URI1: variants seen among roughly 807,000 people sequenced by gnomAD.
The protein encoded by URI1 is unconventional prefoldin RPB5 interactor 1.
A neutral mutation model predicts 60.2 loss-of-function variants in URI1; 39 were observed. The observed-to-expected ratio is 0.65, with a 90% CI of 0.50 to 0.85. The LOEUF (loss-of-function observed/expected upper bound fraction) is 0.85, where lower values mean the gene tolerates loss of function less well. Among genes scored for constraint, URI1 ranks in the 40% least tolerant of loss-of-function variants. The pLI is 0.00. For synonymous variants in URI1, 251 were observed against 236.8 expected (o/e 1.06, Z -0.55); for missense variants, 691 against 665.9 (o/e 1.04, Z -0.42).
At chr19:29,958,736 G>C (rs1005814892) in intron 1 of URI1, among the ~76,000 whole-genome samples, 1 of 151,860 alleles carries the variant, frequency 6.6e-6, no homozygotes, top group Non-Finnish European at 1.5e-5. Flanking sequence ...GAGGTGGGCG[G>C]ATCACGTGAG....
chr19:29,934,701 T>C (rs779392741), intron 1 of URI1, among the ~76,000 whole-genome samples: 27 of 152,056 alleles, frequency 1.8e-4, no homozygotes, highest in Non-Finnish European at 3.8e-4. Context: ...AAACCTGGCT[T>C]ATTTTTTTTT....
At chr19:29,991,230 G>T (rs1012632949) in intron 4 of URI1, among the ~76,000 whole-genome samples, 3 of 152,122 alleles carry the variant, frequency 2.0e-5, no homozygotes, top group Admixed American at 6.5e-5. Flanking sequence ...ATCTTCCAGT[G>T]TGTAAATACT....
At chr19:29,970,374 TA>T (rs2055444354) in intron 1 of URI1, among the ~76,000 whole-genome samples, 1 of 152,028 alleles carries the variant, frequency 6.6e-6, no homozygotes, top group Admixed American at 6.6e-5. Context: ...ATAGGTAATT[TA>T]AAAGTAGATA....
chr19:29,942,319 C>T lies in URI1; in HGVS notation c.-229C>T, dbSNP rs1468680899. The T allele has an allele frequency of 3.0e-6, 3 of 985,148 alleles. No homozygotes were observed. Among genetic ancestry groups the T allele is most frequent in the Admixed American group, 6.2e-5 (1 of 16,150 alleles). The allele number at this position is 985,148 out of a possible 1,614,324, so 61.0% of individuals were successfully genotyped here. A position where few individuals can be genotyped will look rare whatever the true frequency, so the allele number is the denominator to read the frequency against. On this transcript the variant is annotated 5_prime_UTR_variant, in exon 1 of 11. Coordinates refer to ENST00000392271, the MANE Select transcript of URI1 (RefSeq NM_003796.3). ...GTCTCGGTACCTGGCAGGCGGCCTGCTACTCGGAGCCCGCTGCGGGGCGGC... is the reference window on the plus strand; with the variant it reads ...GTCTCGGTACCTGGCAGGCGGCCTGTTACTCGGAGCCCGCTGCGGGGCGGC...
intron 1 of URI1, among the ~76,000 whole-genome samples, chr19:29,964,486 C>T (rs540684263): frequency 1.0e-3 from 127 of 122,170 alleles, no homozygotes; most frequent in Non-Finnish European, 1.7e-3. Flanking sequence ...TTTTTTGAGA[C>T]GGAGTTTTGC....
chr19:29,950,293 CTG>C (rs1340639984), intron 1 of URI1, among the ~76,000 whole-genome samples: 1 of 152,190 alleles, frequency 6.6e-6, no homozygotes, highest in African/African-American at 2.4e-5. Flanking sequence ...TGCGTGGAAT[CTG>C]TGATTTGGCC....
intron 1 of URI1, among the ~76,000 whole-genome samples, chr19:29,927,560 CTTTTTTTTTTTTTT>C (rs3049080): frequency 0.011 from 441 of 39,826 alleles, 11 homozygotes; most frequent in Non-Finnish European, 0.013. Context: ...CTGCACCCGG[CTTTTTTTTTTTTTT>C]TTTTTTTTTT....
rs151056560 is a variant in URI1 at position 29,953,869 on chromosome 19, A to T, written c.117+11205A>T. 5.9e-3 allele frequency among the ~76,000 whole-genome samples: 899 copies of T among 151,526 alleles called. 11 individuals are homozygous for T. Among genetic ancestry groups the T allele is most frequent in the African/African-American group, 0.021 (852 of 41,414 alleles). On this transcript the variant is annotated intron_variant, in intron 1 of 10. Coordinates refer to ENST00000392271, the MANE Select transcript of URI1 (RefSeq NM_003796.3). ...GAATAAAATGAGTTTTTTTTTTCTT[A>T]ATAGGAAAATTTTCTTTTGATTCCT...
chr19:29,954,863 C>T (rs189632498), intron 1 of URI1, among the ~76,000 whole-genome samples: 212 of 152,050 alleles, frequency 1.4e-3, no homozygotes, highest in African/African-American at 4.9e-3. Context: ...TCCTCTGTTT[C>T]TTCTTCAAAA....
chr19:29,936,756 C>T (rs192814055), intron 1 of URI1, among the ~76,000 whole-genome samples: 3 of 151,862 alleles, frequency 2.0e-5, no homozygotes, highest in Non-Finnish European at 2.9e-5. Context: ...GTTCATTTTT[C>T]CTTTTCTTTT....
chr19:29,942,313 G>C lies in URI1; in HGVS notation c.-235G>C, dbSNP rs1160429779. ...AGAGGCGTCTCGGTACCTGGCAGGCGGCCTGCTACTCGGAGCCCGCTGCGG... is the reference window on the plus strand; with the variant it reads ...AGAGGCGTCTCGGTACCTGGCAGGCCGCCTGCTACTCGGAGCCCGCTGCGG... On this transcript the variant is annotated 5_prime_UTR_variant, in exon 1 of 11. Transcript: ENST00000392271. 1.0e-6 allele frequency: 1 copy of C among 985,262 alleles called. No homozygotes were observed. Among genetic ancestry groups the C allele is most frequent in the Non-Finnish European group, 1.2e-6 (1 of 829,716 alleles). The allele number at this position is 985,262 out of a possible 1,614,324, so 61.0% of individuals were successfully genotyped here. A position where few individuals can be genotyped will look rare whatever the true frequency, so the allele number is the denominator to read the frequency against.
chr19:29,956,946 T>C, intron 1 of URI1: 1 of 993,466 alleles, frequency 1.0e-6, no homozygotes, highest in South Asian at 1.3e-5. Flanking sequence ...ACGTTGACAT[T>C]TTCTGGAATG....
At chr19:29,957,039 A>C in intron 1 of URI1, 1 of 590,032 alleles carries the variant, frequency 1.7e-6, no homozygotes, top group Non-Finnish European at 3.0e-6. Context: ...TCTTTTTAAG[A>C]ATGCAAATTG....
intron 1 of URI1, among the ~76,000 whole-genome samples, chr19:29,926,234 T>TC (rs998423950): frequency 3.8e-5 from 1 of 26,216 alleles, no homozygotes; most frequent in Non-Finnish European, 7.6e-5. Flanking sequence ...TCTTCCTCTC[T>TC]CCTTCCTTCC....
At chr19:29,965,448 G>C (rs2055380624) in intron 1 of URI1, among the ~76,000 whole-genome samples, 1 of 152,206 alleles carries the variant, frequency 6.6e-6, no homozygotes, top group South Asian at 2.1e-4. Flanking sequence ...CTGCAGTTCG[G>C]AAGCCTGAAA....
intron 4 of URI1, among the ~76,000 whole-genome samples, chr19:29,994,059 GTGTA>G (rs959183789): frequency 2.3e-4 from 33 of 145,092 alleles, no homozygotes; most frequent in African/African-American, 8.3e-4. Flanking sequence ...TAACCTCTGT[GTGTA>G]TGTGTGTGTG....
At chr19:29,923,715 A>T (rs2054841687) in exon 1 of URI1, 3 of 1,535,892 alleles carry the variant, frequency 2.0e-6, no homozygotes, top group Non-Finnish European at 2.6e-6. Context: ...CTTCCCTTCA[A>T]GGAAGCCACG....
intron 2 of URI1, among the ~76,000 whole-genome samples, chr19:29,972,538 A>T (rs2055472599): frequency 6.6e-6 from 1 of 152,136 alleles, no homozygotes; most frequent in African/African-American, 2.4e-5. Flanking sequence ...CTGGAAATAG[A>T]TGCTAGTTTA....
chr19:29,999,762 A>G (rs1410963918), intron 4 of URI1, among the ~76,000 whole-genome samples: 9 of 152,020 alleles, frequency 5.9e-5, no homozygotes, highest in Non-Finnish European at 1.5e-5. Flanking sequence ...ATTTCAAAAT[A>G]CAAATTTATG....
Sources: gnomAD v4.1 joint callset for allele counts (sites outside exome capture counted in the v4.1 genomes callset) on GRCh38, gnomAD v4.1.1 for gene constraint, MANE v1.5 for transcripts, NCBI Gene and HGNC (gene_info 2026-07-23, HGNC 2026-07-21) for gene names.